ALG9: variants seen among roughly 807,000 people sequenced by gnomAD.
ALG9 encodes the protein ALG9 alpha-1,2-mannosyltransferase, also known as alpha-1,2-mannosyltransferase ALG9.
Under a neutral mutation model 81.8 loss-of-function variants are expected in ALG9, and 55 were observed. That is an observed-to-expected ratio of 0.67 (90% CI 0.54 to 0.84). The LOEUF (loss-of-function observed/expected upper bound fraction) is 0.84. Among genes scored for constraint, ALG9 ranks in the 40% least tolerant of loss-of-function variants. The pLI is 0.00. For missense variants in ALG9, 629 were observed against 745.0 expected (o/e 0.84, Z 1.81); for synonymous variants, 278 against 274.3 (o/e 1.01, Z -0.13).
intron 8 of ALG9, among the ~76,000 whole-genome samples, chr11:111,849,271 G>A (rs545108974): frequency 4.6e-5 from 7 of 152,116 alleles, no homozygotes; most frequent in East Asian, 3.9e-4. Context: ...GGCTGGTCTC[G>A]AACTCCTGGC....
intron 8 of ALG9, among the ~76,000 whole-genome samples, chr11:111,847,604 T>C (rs1368348910): frequency 6.6e-6 from 1 of 152,214 alleles, no homozygotes; most frequent in African/African-American, 2.4e-5. Flanking sequence ...GCAAAATCAG[T>C]GACAAGACCA....
chr11:111,819,575 C>T (rs567198927), intron 13 of ALG9, among the ~76,000 whole-genome samples: 8 of 152,340 alleles, frequency 5.3e-5, no homozygotes, highest in African/African-American at 9.6e-5. Context: ...GACAGTTTGC[C>T]CACAGCTAAG....
intron 14 of ALG9, 122 bp downstream of exon 14, chr11:111,809,517 TACAC>T (rs4026119): frequency 5.3e-4 from 496 of 936,792 alleles, no homozygotes; most frequent in Non-Finnish European, 7.1e-4. Context: ...GAGACTCCAT[TACAC>T]ACACACACAC....
chr11:111,822,320 G>C lies in ALG9; in HGVS notation c.1603-12547C>G, dbSNP rs1202811511. Among the ~76,000 whole-genome samples the C allele has an allele frequency of 2.1e-5, 3 of 145,984 alleles. No homozygotes were observed. In the East Asian group the frequency reaches 6.3e-4, roughly 31 times the overall value. ...GCTACTCGAGAGGCTGAGGCAGGAG[G>C]ATCGCTTAAGCCTGGGAGGTCAAGG... is the stretch of plus-strand genomic sequence containing the variant. On this transcript the variant is annotated intron_variant, in intron 13 of 14. Transcript: ENST00000616540.
intron 3 of ALG9, 28 bp from the exon 4 acceptor site, chr11:111,865,279 G>A: frequency 1.3e-6 from 2 of 1,526,088 alleles, no homozygotes; most frequent in Non-Finnish European, 1.8e-6. Context: ...AAAGAAAACA[G>A]AAGTCACAGA....
At chr11:111,792,864 A>T (rs1555071674) in intron 14 of ALG9, among the ~76,000 whole-genome samples, 1 of 152,230 alleles carries the variant, frequency 6.6e-6, no homozygotes, top group Non-Finnish European at 1.5e-5. Flanking sequence ...CTTTAGTAGC[A>T]TTATCTATCT....
intron 8 of ALG9, among the ~76,000 whole-genome samples, chr11:111,852,745 G>A (rs1958022673): frequency 6.6e-6 from 1 of 152,028 alleles, no homozygotes; most frequent in South Asian, 2.1e-4. Context: ...AGACCAGCCT[G>A]GCCAACATGG....
chr11:111,870,394 A>AC, intron 1 of ALG9, 24 bp from the exon 2 acceptor site: 1 of 1,520,924 alleles, frequency 6.6e-7, no homozygotes, highest in African/African-American at 1.4e-5. Context: ...AAAAAAAAAA[A>AC]AAAAAAAAAA....
Position 111,838,440 on chromosome 11 carries a change from C to T in ALG9, c.1174-41G>A, listed in dbSNP as rs781929070. On this transcript the variant is annotated intron_variant, in intron 10 of 14. Coordinates refer to ENST00000616540, the MANE Select transcript of ALG9 (RefSeq NM_024740.2). ...ATAATTTGTAGAATATACATAATTA[C>T]AAGACATCACAGTAACATCAAGAGC... 9 of 1,538,710 alleles carry T rather than the reference C, an allele frequency of 5.8e-6. No homozygotes were observed. In the South Asian group the frequency reaches 9.2e-5, roughly 16 times the overall value.
chr11:111,855,842 TAGA>T (rs1360355353), intron 6 of ALG9, among the ~76,000 whole-genome samples: 3 of 152,040 alleles, frequency 2.0e-5, no homozygotes, highest in Middle Eastern at 3.4e-3. Context: ...CAAAATAGAA[TAGA>T]AGAAAGGAAT....
At chr11:111,840,078 T>C (rs1955985073) in intron 10 of ALG9, among the ~76,000 whole-genome samples, 1 of 152,186 alleles carries the variant, frequency 6.6e-6, no homozygotes, top group Admixed American at 6.5e-5. Flanking sequence ...AGGTAAACTG[T>C]ATGGTTTGTG....
At chr11:111,802,246 T>A (rs906686432) in intron 14 of ALG9, among the ~76,000 whole-genome samples, 3 of 152,244 alleles carry the variant, frequency 2.0e-5, no homozygotes, top group Non-Finnish European at 2.9e-5. Context: ...TACACAAAGA[T>A]GTGTGGAGAA....
chr11:111,840,541 G>A, intron 10 of ALG9, 114 bp downstream of exon 10: 1 of 1,268,510 alleles, frequency 7.9e-7, no homozygotes, highest in Non-Finnish European at 1.1e-6. Flanking sequence ...CAGGTTTAAT[G>A]TTATGGATAA....
rs1592366915 is a variant in ALG9 at position 111,860,703 on chromosome 11, A to G, written c.477-68T>C. The G allele has an allele frequency of 1.1e-5, 13 of 1,197,768 alleles. No individual in the cohort carries two copies. The East Asian group carries it at 3.2e-4, about 30-fold the overall frequency. 74.2% of individuals were successfully genotyped at this position (1,197,768 alleles called of 1,614,324 possible). On this transcript the variant is annotated intron_variant, in intron 4 of 14. Coordinates refer to ENST00000616540, the MANE Select transcript of ALG9 (RefSeq NM_024740.2). ...ATAGACATTTCAAATCAAAGGAGAA[A>G]AACACGTACCACAGATAACACTGAA...
At chr11:111,778,783 G>A (rs1166667857), downstream of ALG9, among the ~76,000 whole-genome samples, 1 of 150,838 alleles carries the variant, frequency 6.6e-6, no homozygotes, top group African/African-American at 2.4e-5. Context: ...TTCCTGGGTG[G>A]TCAACCAGAT....
At chr11:111,823,513 T>C (rs888919899) in intron 13 of ALG9, among the ~76,000 whole-genome samples, 2 of 152,194 alleles carry the variant, frequency 1.3e-5, no homozygotes, top group Non-Finnish European at 2.9e-5. Context: ...GTGTCACAAA[T>C]GGCAAAGGCA....
intron 13 of ALG9, among the ~76,000 whole-genome samples, chr11:111,810,922 T>C (rs1950609059): frequency 6.6e-6 from 1 of 152,240 alleles, no homozygotes; most frequent in Non-Finnish European, 1.5e-5. Flanking sequence ...TCAAGGCTGC[T>C]TGCTGTCACT....
rs574044580 is a variant in ALG9, at chr11:111,840,768, T to C, written c.1060A>G (p.Met354Val). The change falls in exon 10 of 15, where the codon ATG becomes GTG. Residue 354 changes from methionine to valine, a missense_variant. Transcript: ENST00000616540. ...GHPYWLTLAP[M>V]YIWFIIFFIQ... ...AAGAAAATTATAAACCAAATATACA[T>C]TGGAGCCAAGGTAAGCCAATACGGG... 35 of 1,614,024 alleles carry C rather than the reference T, an allele frequency of 2.2e-5. No individual in the cohort carries two copies. Among genetic ancestry groups the C allele is most frequent in the Middle Eastern group, 1.6e-4 (1 of 6,062 alleles).
At chr11:111,791,722 C>A (rs1555070556) in intron 14 of ALG9, among the ~76,000 whole-genome samples, 3 of 152,210 alleles carry the variant, frequency 2.0e-5, no homozygotes, top group Non-Finnish European at 2.9e-5. Context: ...TATGCTGTTG[C>A]CTCAGCCAGG....
Sources: allele counts gnomAD v4.1 joint callset (sites outside exome capture counted in the v4.1 genomes callset), GRCh38; gene constraint gnomAD v4.1.1; transcripts MANE v1.5; gene names NCBI Gene and HGNC (gene_info 2026-07-23, HGNC 2026-07-21).